Variants in SNX19 observed in about 807,000 individuals in gnomAD.
SNX19 encodes the protein sorting nexin-19.
Under a neutral mutation model 85.2 loss-of-function variants are expected in SNX19, and 60 were observed. The observed-to-expected ratio is 0.70, with a 90% confidence interval of 0.57 to 0.87. The LOEUF is 0.87. Among genes scored for constraint, SNX19 ranks in the 40% least tolerant of loss-of-function variants. The pLI is 0.00. For missense variants in SNX19, 1,201 were observed against 1,217.8 expected, an observed-to-expected ratio of 0.99 and a Z score of 0.21; for synonymous variants, 520 against 470.0, an observed-to-expected ratio of 1.11 and a Z score of -1.38.
Position 130,878,217 on chromosome 11 carries a change from CAG to C in SNX19, c.*203_*204del, listed in dbSNP as rs1943377576. 1 of 448,534 alleles carries C rather than the reference CAG, an allele frequency of 2.2e-6. No individual in the cohort carries two copies. Among genetic ancestry groups the C allele is most frequent in the Admixed American group, 3.5e-5 (1 of 28,702 alleles). 27.8% of individuals were successfully genotyped at this position (448,534 alleles called of 1,614,324 possible). ...AACAATCCCAACATCACAAAAGGAA[CAG>C]GGAAATAAACGTGCATACAACTGGG... On this transcript the variant is annotated 3_prime_UTR_variant, in exon 11 of 11. Transcript: ENST00000265909.
intron 7 of SNX19, 58 bp downstream of exon 7, chr11:130,905,895 A>G: frequency 6.2e-7 from 1 of 1,613,710 alleles, no homozygotes; most frequent in South Asian, 1.1e-5. Context: ...TACCCCAAGT[A>G]CCAAGTGGAT....
Position 130,914,954 on chromosome 11 carries a change from A to T in SNX19, c.986T>A (p.Val329Asp). The T allele has an allele frequency of 6.2e-7, 1 of 1,614,076 alleles. No homozygotes were observed. The highest frequency in any genetic ancestry group is 8.5e-7 in the Non-Finnish European group (1 of 1,179,998). ...CTCTACAGCTTCGTGGCCTTCTTCA[A>T]CCTCTGGAGAGGGGCCTGCAGAACC... ...PEGSAGPSPE[V>D]EEGHEAVEGD... Residue 329 changes from valine to aspartate, a missense_variant, in exon 1 of 11, where the codon GTT becomes GAT. Around this residue, in one of 3 missense-constraint regions of SNX19, gnomAD observed 791 missense variants for 750.9 expected, o/e 1.05. Coordinates refer to ENST00000265909, the MANE Select transcript of SNX19 (RefSeq NM_014758.3).
intron 8 of SNX19, chr11:130,893,830 G>A (rs779898189): frequency 5.7e-6 from 4 of 702,150 alleles, no homozygotes; most frequent in East Asian, 2.7e-5. Context: ...GAAATCTTTC[G>A]GGGCCAGCAT....
At chr11:130,895,471 A>C (rs531948172) in intron 8 of SNX19, among the ~76,000 whole-genome samples, 2 of 152,282 alleles carry the variant, frequency 1.3e-5, no homozygotes, top group South Asian at 4.1e-4. Flanking sequence ...TGGGTGTTGA[A>C]GATATAATGG....
At chr11:130,900,490 GA>G (rs764682534) in intron 8 of SNX19, among the ~76,000 whole-genome samples, 8 of 152,248 alleles carry the variant, frequency 5.3e-5, no homozygotes, top group Non-Finnish European at 7.4e-5. Context: ...CCGGCCACAT[GA>G]AAAAGTACTT....
chr11:130,883,538 A>G (rs959026636), intron 8 of SNX19, among the ~76,000 whole-genome samples: 2 of 152,222 alleles, frequency 1.3e-5, no homozygotes, highest in African/African-American at 4.8e-5. Flanking sequence ...TGGGAGCTGC[A>G]GAGTGCCAGC....
At chr11:130,890,853 A>G (rs1440651465) in intron 8 of SNX19, among the ~76,000 whole-genome samples, 1 of 149,670 alleles carries the variant, frequency 6.7e-6, no homozygotes, top group Admixed American at 6.7e-5. Flanking sequence ...TTGCACCTCC[A>G]ATTGGATATC....
At chr11:130,899,221 A>G (rs1190297124) in intron 8 of SNX19, among the ~76,000 whole-genome samples, 1 of 152,190 alleles carries the variant, frequency 6.6e-6, no homozygotes, top group African/African-American at 2.4e-5. Flanking sequence ...CTGGACAGCA[A>G]ATGTGCTGAT....
chr11:130,905,881 C>T, intron 7 of SNX19, 72 bp downstream of exon 7: 2 of 1,611,984 alleles, frequency 1.2e-6, no homozygotes, highest in Non-Finnish European at 1.7e-6. Context: ...TTACAAACTC[C>T]AACTACCCCA....
At chr11:130,908,946 C>T (rs970109171) in intron 4 of SNX19, among the ~76,000 whole-genome samples, 1 of 152,204 alleles carries the variant, frequency 6.6e-6, no homozygotes, top group Admixed American at 6.5e-5. Flanking sequence ...AAGGAGTAAG[C>T]TAGCATAGCC....
chr11:130,906,113 C>G lies in SNX19; in HGVS notation c.2283G>C (p.Met761Ile). 6.2e-7 allele frequency: 1 copy of G among 1,613,954 alleles called. No individual in the cohort carries two copies. Among genetic ancestry groups the G allele is most frequent in the Non-Finnish European group, 8.5e-7 (1 of 1,179,910 alleles). The change falls in exon 7 of 11, where the codon ATG (methionine) becomes ATC (isoleucine). Residue 761 changes from methionine (M) to isoleucine (I), a missense_variant. Around this residue, in one of 3 missense-constraint regions of SNX19, gnomAD observed 285 missense variants for 295.3 expected, o/e 0.97. Coordinates refer to ENST00000265909, the MANE Select transcript of SNX19 (RefSeq NM_014758.3). ...TTTCAATAAAAGATTCCATCGCAGA[C>G]ATGGATAGAGTCTCAGACTCCTAAG... ...EGNVESETLS[M>I]SAMESFIEKQ...
intron 8 of SNX19, among the ~76,000 whole-genome samples, chr11:130,897,016 C>T (rs1944921000): frequency 6.6e-6 from 1 of 152,066 alleles, no homozygotes; most frequent in Non-Finnish European, 1.5e-5. Context: ...TCCCAACTGT[C>T]CTTAGGGGAG....
rs761571870 is a variant in SNX19 at position 130,880,856 on chromosome 11, TAAC to T, written c.2574-53_2574-51del. The T allele has an allele frequency of 2.1e-6, 3 of 1,459,794 alleles. No homozygotes were observed. In the East Asian group the frequency reaches 7.0e-5, roughly 34 times the overall value. The allele number at this position is 1,459,794 out of a possible 1,614,324, so 90.4% of individuals were successfully genotyped here. A position where few individuals can be genotyped will look rare whatever the true frequency, so the allele number is the denominator to read the frequency against. On this transcript the variant is annotated intron_variant, in intron 8 of 10. Coordinates refer to ENST00000265909, the MANE Select transcript of SNX19 (RefSeq NM_014758.3). Reference sequence around the variant, plus strand: ...TTAGATAAAGCTGAAGGAAAGGAAATAACAAGGCAGCGGACTGACTGTTTATGT... The same window carrying T: ...TTAGATAAAGCTGAAGGAAAGGAAATAAGGCAGCGGACTGACTGTTTATGT...
chr11:130,901,648 A>C, intron 8 of SNX19, among the ~76,000 whole-genome samples: 1 of 152,202 alleles, frequency 6.6e-6, no homozygotes. Flanking sequence ...CCAAGTAAGA[A>C]AGGAGGTGGA....
rs1330632691 is a variant in SNX19 at position 130,876,233 on chromosome 11, T to C, written c.*2189A>G. ...ATCACCCTGTCAGCTGGGAGTATCTTTTCTACCTGTGGCTCTCTACCAATT... is the reference window on the plus strand; with the variant it reads ...ATCACCCTGTCAGCTGGGAGTATCTCTTCTACCTGTGGCTCTCTACCAATT... On this transcript the variant is annotated 3_prime_UTR_variant, in exon 11 of 11. Coordinates refer to ENST00000265909, the MANE Select transcript of SNX19 (RefSeq NM_014758.3). The C allele has an allele frequency of 8.5e-6, 1 of 117,798 alleles. No individual in the cohort carries two copies. The highest frequency in any genetic ancestry group is 2.9e-5 in the African/African-American group (1 of 34,358). The allele number at this position is 117,798 out of a possible 1,614,324, so 7.3% of individuals were successfully genotyped here. A position where few individuals can be genotyped will look rare whatever the true frequency, so the allele number is the denominator to read the frequency against.
At chr11:130,892,687 G>A (rs905714140) in intron 8 of SNX19, 4 of 152,218 alleles carry the variant, frequency 2.6e-5, no homozygotes, top group South Asian at 4.1e-4. Flanking sequence ...GCCTCAGGGG[G>A]TTTTGGATAA....
intron 8 of SNX19, among the ~76,000 whole-genome samples, chr11:130,898,525 G>A (rs992218053): frequency 1.3e-5 from 2 of 152,146 alleles, no homozygotes; most frequent in African/African-American, 2.4e-5. Flanking sequence ...TCAGCTACCC[G>A]TGGTTTCAGG....
chr11:130,887,008 A>C (rs933420227), intron 8 of SNX19, among the ~76,000 whole-genome samples: 2 of 152,184 alleles, frequency 1.3e-5, no homozygotes, highest in African/African-American at 4.8e-5. Context: ...CTTTCTCCCA[A>C]TACTACTGTG....
In SNX19 at chr11:130,916,005, G is replaced by C. The variant is rs1483038618; in HGVS notation, c.-66C>G. ...AAGATTTTACTTCAGAGTTAGGGAA[G>C]GGGGGCATGAACTGTGTCTCAGATA... On this transcript the variant is annotated 5_prime_UTR_variant, in exon 1 of 11. Coordinates refer to ENST00000265909, the MANE Select transcript of SNX19 (RefSeq NM_014758.3). The C allele has an allele frequency of 7.0e-7, 1 of 1,423,776 alleles. No individual in the cohort carries two copies. Among genetic ancestry groups the C allele is most frequent in the Non-Finnish European group, 9.6e-7 (1 of 1,040,536 alleles). The allele number at this position is 1,423,776 out of a possible 1,614,324, so 88.2% of individuals were successfully genotyped here.
Sources: gnomAD v4.1 joint callset for allele counts (sites outside exome capture counted in the v4.1 genomes callset) on GRCh38, gnomAD v4.1.1 for gene constraint, gnomAD v4.1.1 regional missense constraint, MANE v1.5 for transcripts, NCBI Gene and HGNC (gene_info 2026-07-23, HGNC 2026-07-21) for gene names.